BACH2: variants seen among roughly 807,000 people sequenced by gnomAD.
BACH2 encodes the protein transcription regulator protein BACH2.
Under a neutral mutation model 61.8 loss-of-function variants are expected in BACH2, and 5 were observed. That is an observed-to-expected ratio of 0.08 (90% CI 0.04 to 0.17). BACH2 has a LOEUF of 0.17. Among genes scored for constraint, BACH2 ranks in the 10% least tolerant of loss-of-function variants. BACH2 has a pLI of 1.00. For synonymous variants in BACH2, 446 were observed against 440.1 expected, an observed-to-expected ratio of 1.01 and a Z score of -0.17; for missense variants, 824 against 1,091.1, an observed-to-expected ratio of 0.76 and a Z score of 3.45.
intron 4 of BACH2, among the ~76,000 whole-genome samples, chr6:90,096,695 G>C (rs1782394162): frequency 6.6e-6 from 1 of 152,154 alleles, no homozygotes; most frequent in South Asian, 2.1e-4. Flanking sequence ...TCGAGTCCTA[G>C]GCCAGAGTTC....
At chr6:90,084,178 A>C (rs193244186) in intron 5 of BACH2, among the ~76,000 whole-genome samples, 1 of 152,238 alleles carries the variant, frequency 6.6e-6, no homozygotes, top group African/African-American at 2.4e-5. Context: ...AGGTAGCAAA[A>C]CCGTCAGTAA....
At chr6:90,139,396 G>A (rs1052831742) in intron 4 of BACH2, among the ~76,000 whole-genome samples, 2 of 152,196 alleles carry the variant, frequency 1.3e-5, no homozygotes, top group Non-Finnish European at 2.9e-5. Flanking sequence ...GAGGGAGAAG[G>A]TGGGGAAAGG....
At chr6:90,252,682 C>G (rs1770849941) in intron 2 of BACH2, 92 bp from the exon 3 acceptor site, 1 of 152,142 alleles carries the variant, frequency 6.6e-6, no homozygotes, top group Admixed American at 6.5e-5. Flanking sequence ...GATCCAGAAG[C>G]TGTATTGGTA....
At chr6:90,200,363 A>G (rs545169148) in intron 4 of BACH2, among the ~76,000 whole-genome samples, 4 of 152,300 alleles carry the variant, frequency 2.6e-5, no homozygotes, top group African/African-American at 9.6e-5. Context: ...AGTACCGAGT[A>G]AGAGGATGTA....
chr6:90,049,898 C>A (rs889079011), intron 5 of BACH2, among the ~76,000 whole-genome samples: 3 of 152,150 alleles, frequency 2.0e-5, no homozygotes, highest in Non-Finnish European at 2.9e-5. Flanking sequence ...CAGAGAACAC[C>A]ATTTTTACTT....
chr6:89,970,506 C>T (rs1419286523), intron 6 of BACH2, among the ~76,000 whole-genome samples: 6 of 152,106 alleles, frequency 3.9e-5, no homozygotes, highest in Non-Finnish European at 8.8e-5. Flanking sequence ...TGTATATCTC[C>T]GGGGAGGCAT....
intron 3 of BACH2, among the ~76,000 whole-genome samples, chr6:90,224,252 G>C (rs1055676523): frequency 1.3e-5 from 2 of 152,188 alleles, no homozygotes; most frequent in African/African-American, 4.8e-5. Flanking sequence ...CCAAAATGTA[G>C]AGTGGGTAGA....
intron 6 of BACH2, among the ~76,000 whole-genome samples, chr6:89,965,399 T>G (rs1584540769): frequency 1.3e-5 from 2 of 152,258 alleles, no homozygotes; most frequent in East Asian, 3.8e-4. Flanking sequence ...TTGGAGACTG[T>G]AACTTCTTGA....
chr6:90,084,834 G>A (rs11963355), intron 5 of BACH2, among the ~76,000 whole-genome samples: 4,799 of 152,082 alleles, frequency 0.032, 239 homozygotes, highest in African/African-American at 0.11. Context: ...GAGATAGTAG[G>A]ATAATTTAGG....
chr6:90,197,603 T>A (rs1397890925), intron 4 of BACH2, among the ~76,000 whole-genome samples: 2 of 152,082 alleles, frequency 1.3e-5, no homozygotes, highest in African/African-American at 2.4e-5. Flanking sequence ...AACCCAGCCA[T>A]CACCAGTCAC....
chr6:90,257,861 G>A (rs1362749989), intron 2 of BACH2, among the ~76,000 whole-genome samples: 4 of 151,926 alleles, frequency 2.6e-5, no homozygotes, highest in African/African-American at 9.7e-5. Context: ...CTACAATCTC[G>A]GCCTCCTGGG....
At chr6:90,095,724 G>A (rs1782354603) in intron 4 of BACH2, among the ~76,000 whole-genome samples, 1 of 151,910 alleles carries the variant, frequency 6.6e-6, no homozygotes. Context: ...ATAAAAATTG[G>A]AATACTAGCC....
chr6:90,287,279 G>A (rs1772049349), intron 1 of BACH2, among the ~76,000 whole-genome samples: 2 of 152,108 alleles, frequency 1.3e-5, no homozygotes, highest in Non-Finnish European at 2.9e-5. Flanking sequence ...CTATGCTTGT[G>A]GTATGTCAAA....
At chr6:90,108,702 T>A (rs1783032105) in intron 4 of BACH2, among the ~76,000 whole-genome samples, 1 of 152,234 alleles carries the variant, frequency 6.6e-6, no homozygotes, top group African/African-American at 2.4e-5. Context: ...GTGGAGAATG[T>A]CTATCATTGC....
At chr6:90,225,333 G>A (rs532779374) in intron 3 of BACH2, among the ~76,000 whole-genome samples, 21 of 152,282 alleles carry the variant, frequency 1.4e-4, no homozygotes, top group South Asian at 6.2e-4. Flanking sequence ...GCTGCAGTGA[G>A]CTGTGATCAT....
chr6:89,952,172 G>A (rs1025200171), intron 6 of BACH2: 11 of 350,892 alleles, frequency 3.1e-5, no homozygotes, highest in African/African-American at 2.1e-4. Context: ...AATGCACGGT[G>A]ACAATGGGGA....
At chr6:90,067,818 A>T (rs530948210) in intron 5 of BACH2, among the ~76,000 whole-genome samples, 1 of 152,106 alleles carries the variant, frequency 6.6e-6, no homozygotes, top group African/African-American at 2.4e-5. Context: ...GTTCTTTCTA[A>T]AAGACTATGC....
rs188899449 is a variant in BACH2, at chr6:90,103,396, T to C, written c.-161-14287A>G. Among the ~76,000 whole-genome samples the C allele has an allele frequency of 5.0e-3, 762 of 152,200 alleles. 7 individuals are homozygous for C. Among genetic ancestry groups the C allele is most frequent in the Non-Finnish European group, 8.6e-3 (584 of 68,016 alleles). On this transcript the variant is annotated intron_variant, in intron 4 of 8. Coordinates refer to ENST00000257749, the MANE Select transcript of BACH2 (RefSeq NM_021813.4). ...GCGAAGTGTGTCCGTGTGATGCTCA[T>C]CTCAGCATTATCTGGTTATCGGAGT...
intron 7 of BACH2, among the ~76,000 whole-genome samples, chr6:89,944,116 C>A (rs1773594638): frequency 6.6e-6 from 1 of 152,226 alleles, no homozygotes; most frequent in Non-Finnish European, 1.5e-5. Flanking sequence ...ATATGGGACA[C>A]CTGGGATTCA....
Sources: gnomAD v4.1 joint callset for allele counts (sites outside exome capture counted in the v4.1 genomes callset) on GRCh38, gnomAD v4.1.1 for gene constraint, MANE v1.5 for transcripts, NCBI Gene and HGNC (gene_info 2026-07-23, HGNC 2026-07-21) for gene names.